Variants in SHISA6 observed in about 807,000 individuals in gnomAD.
SHISA6 encodes the protein protein shisa-6.
Under a neutral mutation model 47.9 loss-of-function variants are expected in SHISA6, and 22 were observed. The ratio of observed to expected loss-of-function variants is 0.46; its 90% confidence interval spans 0.33 to 0.66. The LOEUF (loss-of-function observed/expected upper bound fraction) is 0.66, where lower values mean the gene tolerates loss of function less well. Ranked by LOEUF, SHISA6 falls within the 30% of genes least tolerant of loss-of-function variation. SHISA6 has a pLI of 0.02. For missense variants in SHISA6, 680 were observed against 764.6 expected, an observed-to-expected ratio of 0.89 and a Z score of 1.30; for synonymous variants, 388 against 337.8, an observed-to-expected ratio of 1.15 and a Z score of -1.63.
intron 3 of SHISA6, among the ~76,000 whole-genome samples, chr17:11,502,968 T>C (rs546200572): frequency 6.6e-6 from 1 of 152,204 alleles, no homozygotes; most frequent in South Asian, 2.1e-4. Flanking sequence ...GAGATTACTG[T>C]GGGGTAGGGG....
At chr17:11,339,507 C>T (rs975272521) in intron 2 of SHISA6, among the ~76,000 whole-genome samples, 20 of 151,882 alleles carry the variant, frequency 1.3e-4, no homozygotes, top group African/African-American at 4.8e-4. Context: ...AACAAGAAAT[C>T]GTTTTTTGAG....
chr17:11,492,174 T>C (rs1252309592), intron 3 of SHISA6, among the ~76,000 whole-genome samples: 1 of 152,110 alleles, frequency 6.6e-6, no homozygotes, highest in African/African-American at 2.4e-5. Flanking sequence ...TCTTGAGCTT[T>C]CCAGGAACAC....
At chr17:11,374,715 A>G (rs912902523) in intron 2 of SHISA6, among the ~76,000 whole-genome samples, 4 of 152,056 alleles carry the variant, frequency 2.6e-5, no homozygotes, top group Non-Finnish European at 5.9e-5. Context: ...TAATACTAGT[A>G]GCCCTTAAAT....
intron 1 of SHISA6, among the ~76,000 whole-genome samples, chr17:11,247,425 A>G (rs929919335): frequency 3.3e-5 from 5 of 152,118 alleles, no homozygotes; most frequent in South Asian, 2.1e-4. Context: ...GCTCCTGGCT[A>G]TGGGAGGTCA....
intron 3 of SHISA6, among the ~76,000 whole-genome samples, chr17:11,387,327 G>T (rs896482931): frequency 1.3e-5 from 2 of 152,298 alleles, no homozygotes; most frequent in Non-Finnish European, 2.9e-5. Flanking sequence ...AGGGGTGAGT[G>T]CATTGGAGCA....
Position 11,398,204 on chromosome 17 carries a change from T to C in SHISA6, c.895+18695T>C, listed in dbSNP as rs370626190. On this transcript the variant is annotated intron_variant, in intron 3 of 5. Coordinates refer to ENST00000441885, the MANE Select transcript of SHISA6 (RefSeq NM_207386.4). ...ATTTTTAACAATAGATTAGTATATG[T>C]TTATTCATATTTTTATCCCTTTAAA... Among the ~76,000 whole-genome samples, 28 of 152,166 alleles carry C rather than the reference T, an allele frequency of 1.8e-4. No individual in the cohort carries two copies. The East Asian group carries it at 1.9e-3, about 10-fold the overall frequency.
At chr17:11,511,908 A>G (rs935580695) in intron 3 of SHISA6, among the ~76,000 whole-genome samples, 23 of 152,266 alleles carry the variant, frequency 1.5e-4, no homozygotes, top group African/African-American at 5.3e-4. Flanking sequence ...AGCCAGAAGC[A>G]TGCAGGACGG....
chr17:11,399,176 A>C lies in SHISA6; in HGVS notation c.895+19667A>C, dbSNP rs563371637. Among the ~76,000 whole-genome samples the C allele has an allele frequency of 1.1e-4, 17 of 152,306 alleles. No individual in the cohort carries two copies. In the South Asian group the frequency reaches 3.5e-3, roughly 32 times the overall value. ...TTTGATTGTATTTTACAACAGAAAGATAGAGTAGGAGAAATGGAATGCAGC... is the reference window on the plus strand; with the variant it reads ...TTTGATTGTATTTTACAACAGAAAGCTAGAGTAGGAGAAATGGAATGCAGC... On this transcript the variant is annotated intron_variant, in intron 3 of 5. Coordinates refer to ENST00000441885, the MANE Select transcript of SHISA6 (RefSeq NM_207386.4).
intron 2 of SHISA6, among the ~76,000 whole-genome samples, chr17:11,354,550 AT>A (rs771213921): frequency 1.6e-4 from 24 of 152,172 alleles, no homozygotes; most frequent in Non-Finnish European, 3.2e-4. Context: ...GAGTAAATTA[AT>A]GAGACGCATC....
chr17:11,347,715 A>G (rs1911748343), intron 2 of SHISA6, among the ~76,000 whole-genome samples: 2 of 152,210 alleles, frequency 1.3e-5, no homozygotes, highest in South Asian at 2.1e-4. Flanking sequence ...GGGTAGGCAC[A>G]TGAGAGACCC....
At chr17:11,469,936 G>A in intron 3 of SHISA6, among the ~76,000 whole-genome samples, 1 of 152,154 alleles carries the variant, frequency 6.6e-6, no homozygotes, top group East Asian at 1.9e-4. Flanking sequence ...GGTTGAATGA[G>A]GTCATAAGAA....
In SHISA6 at chr17:11,551,925, A is replaced by G. The variant is rs1445072890; in HGVS notation, c.925A>G (p.Ser309Gly). ...TCATCAATATAACCATCCGATTTTG[A>G]GCAGTGTTACCCAGATCCCGCCACA... ...GDHQYNHPIL[S>G]SVTQIPPHEK... Residue 309 changes from serine (S) to glycine (G), a missense_variant, in exon 4 of 6, where the codon AGC becomes GGC. Coordinates refer to ENST00000441885, the MANE Select transcript of SHISA6 (RefSeq NM_207386.4). 6.4e-7 allele frequency: 1 copy of G among 1,551,566 alleles called. No individual in the cohort carries two copies. Among genetic ancestry groups the G allele is most frequent in the East Asian group, 2.4e-5 (1 of 40,930 alleles).
intron 2 of SHISA6, among the ~76,000 whole-genome samples, chr17:11,352,576 G>A (rs1911925065): frequency 6.6e-6 from 1 of 152,164 alleles, no homozygotes; most frequent in African/African-American, 2.4e-5. Context: ...TACCCACAGG[G>A]TAATGGTTGG....
At chr17:11,533,024 T>C (rs2071750668) in intron 3 of SHISA6, among the ~76,000 whole-genome samples, 1 of 152,192 alleles carries the variant, frequency 6.6e-6, no homozygotes, top group African/African-American at 2.4e-5. Context: ...CCTTTGCTGC[T>C]GAGCTGTGCC....
At chr17:11,298,300 A>G in intron 2 of SHISA6, among the ~76,000 whole-genome samples, 1 of 152,200 alleles carries the variant, frequency 6.6e-6, no homozygotes, top group East Asian at 1.9e-4. Context: ...CAAGAGTGGG[A>G]CACACAATAA....
In SHISA6 at chr17:11,433,256, C is replaced by T. The variant is rs185782491; in HGVS notation, c.895+53747C>T. ...TAGCCCCCCACCCACCGACAGGCCCCGGTGGGTGATGTTCCCCTCCCTGTG... is the reference window on the plus strand; with the variant it reads ...TAGCCCCCCACCCACCGACAGGCCCTGGTGGGTGATGTTCCCCTCCCTGTG... On this transcript the variant is annotated intron_variant, in intron 3 of 5. Coordinates refer to ENST00000441885, the MANE Select transcript of SHISA6 (RefSeq NM_207386.4). Among the ~76,000 whole-genome samples the T allele has an allele frequency of 2.6e-3, 398 of 152,206 alleles. 1 individual carries two copies. Among genetic ancestry groups the T allele is most frequent in the African/African-American group, 8.6e-3 (359 of 41,514 alleles).
intron 3 of SHISA6, among the ~76,000 whole-genome samples, chr17:11,543,910 C>CAAAAAAAAAAAAA (rs200573876): frequency 1.0e-5 from 1 of 96,386 alleles, no homozygotes; most frequent in Non-Finnish European, 2.3e-5. Flanking sequence ...TATTTATAAG[C>CAAAAAAAAAAAAA]AAAAAAAAAA....
chr17:11,512,996 G>A (rs964174671), intron 3 of SHISA6, among the ~76,000 whole-genome samples: 3 of 151,800 alleles, frequency 2.0e-5, no homozygotes, highest in Admixed American at 6.6e-5. Flanking sequence ...TTAATGAAAC[G>A]GCTGGGTGAA....
chr17:11,269,952 T>C (rs1210058611), intron 2 of SHISA6, among the ~76,000 whole-genome samples: 1 of 152,160 alleles, frequency 6.6e-6, no homozygotes, highest in African/African-American at 2.4e-5. Context: ...TTAAAATTAA[T>C]TTTACCTATT....
Sources: allele counts gnomAD v4.1 joint callset (sites outside exome capture counted in the v4.1 genomes callset), GRCh38; gene constraint gnomAD v4.1.1; transcripts MANE v1.5; gene names NCBI Gene and HGNC (gene_info 2026-07-23, HGNC 2026-07-21).